The following ZNF793 variants were observed in gnomAD, a reference collection of about 807,000 sequenced individuals.
ZNF793 encodes the protein zinc finger protein 793.
ZNF793 carries 5 observed loss-of-function variants against 12.4 expected under a neutral mutation model. The observed-to-expected ratio is 0.40, with a 90% CI of 0.21 to 0.84. The LOEUF (loss-of-function observed/expected upper bound fraction) is 0.84, where lower values mean the gene tolerates loss of function less well. Ranked by LOEUF, ZNF793 falls within the 40% of genes least tolerant of loss-of-function variation. ZNF793 has a pLI of 0.35. For missense variants in ZNF793, 456 were observed against 495.0 expected (o/e 0.92, Z 0.75); for synonymous variants, 162 against 172.4 (o/e 0.94, Z 0.47).
rs2042511674 is a variant in ZNF793 at position 37,537,113 on chromosome 19, T to C, written c.455T>C (p.Leu152Ser). 3.1e-6 allele frequency: 5 copies of C among 1,613,242 alleles called. No individual in the cohort carries two copies. In the African/African-American group the frequency reaches 6.7e-5, roughly 22 times the overall value. ...AAGAATTTGAACCATAATTTAGACT[T>C]GATTGGTTTTAAGAGAAACTGTGCA... ...CGKNLNHNLD[L>S]IGFKRNCAKK... The change falls in exon 8 of 8, where the codon TTG becomes TCG. Residue 152 changes from leucine (L) to serine (S), a missense_variant. Physicochemically the swap from Leu to Ser is moderately radical, Grantham distance 145 (BLOSUM62 -2). Coordinates refer to ENST00000627814, the MANE Select transcript of ZNF793 (RefSeq NM_001013659.3).
In ZNF793 at chr19:37,540,941, T is replaced by C. The variant is rs947006339; in HGVS notation, c.*3062T>C. The C allele has an allele frequency of 6.6e-6, 1 of 151,848 alleles. No homozygotes were observed. The highest frequency in any genetic ancestry group is 2.4e-5 in the African/African-American group (1 of 41,402). 9.4% of individuals were successfully genotyped at this position (151,848 alleles called of 1,614,324 possible). ...GTATAAAAACATCACATGTACCCAA[T>C]AAATATATACAACAATTATATATCT... On this transcript the variant is annotated 3_prime_UTR_variant, in exon 8 of 8. Transcript: ENST00000627814.
intron 2 of ZNF793, among the ~76,000 whole-genome samples, chr19:37,514,400 A>T (rs2042314796): frequency 6.6e-6 from 1 of 152,196 alleles, no homozygotes; most frequent in South Asian, 2.1e-4. Context: ...TGCAAAAAAT[A>T]CAAAAATTAT....
At chr19:37,535,543 T>C (rs1425801689) in intron 7 of ZNF793, 1 of 151,978 alleles carries the variant, frequency 6.6e-6, no homozygotes, top group African/African-American at 2.4e-5. Context: ...TTTTTTTTTT[T>C]AGATGGAGTT....
intron 2 of ZNF793, among the ~76,000 whole-genome samples, chr19:37,509,285 A>G (rs1270981080): frequency 1.3e-5 from 2 of 152,182 alleles, no homozygotes; most frequent in East Asian, 3.8e-4. Flanking sequence ...TCTGCTTTCT[A>G]TATCCATGTG....
chr19:37,531,149 C>A (rs1273862029), intron 5 of ZNF793, among the ~76,000 whole-genome samples: 1 of 150,226 alleles, frequency 6.7e-6, no homozygotes, highest in Non-Finnish European at 1.5e-5. Flanking sequence ...GTCCTAAAGT[C>A]CATCATTTCT....
intron 2 of ZNF793, among the ~76,000 whole-genome samples, chr19:37,513,197 A>G (rs1223220534): frequency 2.0e-5 from 3 of 152,174 alleles, no homozygotes; most frequent in Non-Finnish European, 2.9e-5. Flanking sequence ...TTATATTATT[A>G]CTAAGTATGT....
chr19:37,511,314 G>A (rs916043300), intron 2 of ZNF793, among the ~76,000 whole-genome samples: 1 of 152,124 alleles, frequency 6.6e-6, no homozygotes, highest in African/African-American at 2.4e-5. Flanking sequence ...TCATATAAAC[G>A]TGAAGCCAAG....
intron 2 of ZNF793, among the ~76,000 whole-genome samples, chr19:37,515,016 AG>A (rs1224281420): frequency 2.0e-5 from 3 of 152,262 alleles, no homozygotes; most frequent in African/African-American, 7.2e-5. Flanking sequence ...TCAAGTGAAA[AG>A]TCAGTAGCAG....
intron 5 of ZNF793, among the ~76,000 whole-genome samples, chr19:37,524,360 C>T (rs527471148): frequency 1.3e-5 from 2 of 151,978 alleles, no homozygotes; most frequent in South Asian, 4.2e-4. Flanking sequence ...AATGCTTCAT[C>T]GTATGCAAGG....
rs2042552660 is a variant in ZNF793, at chr19:37,541,661, A to G, written c.*3782A>G. The G allele has an allele frequency of 6.6e-6, 1 of 152,248 alleles. No individual in the cohort carries two copies. The highest frequency in any genetic ancestry group is 1.5e-5 in the Non-Finnish European group (1 of 68,076). The allele number at this position is 152,248 out of a possible 1,614,324, so 9.4% of individuals were successfully genotyped here. A position where few individuals can be genotyped will look rare whatever the true frequency, so the allele number is the denominator to read the frequency against. On this transcript the variant is annotated 3_prime_UTR_variant, in exon 8 of 8. Transcript: ENST00000627814. ...ACCACTGCACTCCAGCCTGGGCAAC[A>G]GAGCAAGACTCCATCTCAGAAAAAA...
At chr19:37,513,649 T>G (rs76594018) in intron 2 of ZNF793, among the ~76,000 whole-genome samples, 3,379 of 152,306 alleles carry the variant, frequency 0.022, 139 homozygotes, top group African/African-American at 0.077. Context: ...GAATGAGGTA[T>G]TGGCAACTAA....
chr19:37,533,450 C>T (rs1370908142), intron 7 of ZNF793, 47 bp downstream of exon 7: 1 of 1,553,406 alleles, frequency 6.4e-7, no homozygotes, highest in Non-Finnish European at 8.9e-7. Flanking sequence ...GAGGCTGGCA[C>T]CTTTGGAATT....
chr19:37,537,745 G>A lies in ZNF793; in HGVS notation c.1087G>A (p.Gly363Arg). Residue 363 changes from glycine to arginine, a missense_variant, in exon 8 of 8, where the codon GGA becomes AGA. Gly to Arg is a moderately radical substitution (Grantham distance 125, BLOSUM62 -2). Coordinates refer to ENST00000627814, the MANE Select transcript of ZNF793 (RefSeq NM_001013659.3). ...CLNKHWRTHT[G>R]EKPYGCNECG... is the part of the protein sequence containing the mutation. The stretch of plus-strand genomic sequence containing the variant: ...CAATAAACATTGGAGAACTCACACA[G>A]GAGAGAAGCCCTATGGGTGCAATGA... 1 of 1,614,090 alleles carries A rather than the reference G, an allele frequency of 6.2e-7. No homozygotes were observed. Among genetic ancestry groups the A allele is most frequent in the Non-Finnish European group, 8.5e-7 (1 of 1,179,990 alleles).
At chr19:37,507,075 T>G (rs2042254968) in intron 1 of ZNF793, 109 bp downstream of exon 1, 1 of 152,308 alleles carries the variant, frequency 6.6e-6, no homozygotes, top group South Asian at 2.1e-4. Context: ...TGGAGGATAG[T>G]GAGCTGCCGA....
At chr19:37,515,742 A>G (rs182758723) in intron 2 of ZNF793, among the ~76,000 whole-genome samples, 37 of 152,348 alleles carry the variant, frequency 2.4e-4, no homozygotes, top group Non-Finnish European at 4.6e-4. Context: ...AGCATAAAAC[A>G]TTGCATTTTG....
In ZNF793 at chr19:37,542,772, T is replaced by G. The variant is rs4803216; in HGVS notation, c.*4893T>G. 0.78 allele frequency: 126,904 copies of G among 163,182 alleles called. 49,517 individuals carry two copies. Among genetic ancestry groups the G allele is most frequent in the South Asian group, 0.88 (5,525 of 6,276 alleles). 10.1% of individuals were successfully genotyped at this position (163,182 alleles called of 1,614,324 possible). On this transcript the variant is annotated 3_prime_UTR_variant, in exon 8 of 8. Coordinates refer to ENST00000627814, the MANE Select transcript of ZNF793 (RefSeq NM_001013659.3). ...GTATGTTAAATATGACTCCATTTTTTTAAATCATTAACAAAATGTCTCTAG... is the reference window on the plus strand; with the variant it reads ...GTATGTTAAATATGACTCCATTTTTGTAAATCATTAACAAAATGTCTCTAG...
Position 37,532,450 on chromosome 19 carries a change from T to C in ZNF793, c.110T>C (p.Met37Thr), listed in dbSNP as rs192500733. 2.5e-6 allele frequency: 4 copies of C among 1,612,736 alleles called. No individual in the cohort carries two copies. The highest frequency in any genetic ancestry group is 1.7e-5 in the Admixed American group (1 of 59,690). The change falls in exon 6 of 8, where the codon ATG becomes ACG. Residue 37 changes from methionine (M) to threonine (T), a missense_variant. Coordinates refer to ENST00000627814, the MANE Select transcript of ZNF793 (RefSeq NM_001013659.3). Reference protein sequence around the residue: ...PAQRALYRDVMLETYSNLVSV... With the variant: ...PAQRALYRDVTLETYSNLVSV... The stretch of plus-strand genomic sequence containing the variant: ...CAGAGGGCCCTGTACCGGGATGTGA[T>C]GCTGGAAACCTATAGCAACCTCGTC...
intron 5 of ZNF793, among the ~76,000 whole-genome samples, chr19:37,526,809 C>G (rs541104211): frequency 1.9e-4 from 29 of 152,322 alleles, no homozygotes; most frequent in African/African-American, 5.8e-4. Context: ...AGAGCCACTT[C>G]GGTGCTTCTT....
chr19:37,510,632 T>A (rs2042286483), intron 2 of ZNF793, among the ~76,000 whole-genome samples: 1 of 151,260 alleles, frequency 6.6e-6, no homozygotes, highest in African/African-American at 2.4e-5. Context: ...TGCAGTGAGC[T>A]ATGATTGTGC....
Sources: allele counts gnomAD v4.1 joint callset (sites outside exome capture counted in the v4.1 genomes callset), GRCh38; gene constraint gnomAD v4.1.1; transcripts MANE v1.5; gene names NCBI Gene and HGNC (gene_info 2026-07-23, HGNC 2026-07-21).